GALNT17: variants seen among roughly 807,000 people sequenced by gnomAD.
GALNT17 encodes polypeptide N-acetylgalactosaminyltransferase 17.
Under a neutral mutation model 63.7 loss-of-function variants are expected in GALNT17, and 29 were observed. The observed-to-expected ratio is 0.46, with a 90% CI of 0.34 to 0.62. The LOEUF is 0.62. Ranked by LOEUF, GALNT17 falls within the 20% of genes least tolerant of loss-of-function variation. The probability of loss-of-function intolerance (pLI) is 0.01; values close to 1 mark genes in which losing one functional copy is unlikely to be tolerated. For missense variants in GALNT17, 603 were observed against 799.6 expected, an observed-to-expected ratio of 0.75 and a Z score of 2.97; for synonymous variants, 305 against 318.3, an observed-to-expected ratio of 0.96 and a Z score of 0.45.
chr7:71,350,869 A>C (rs1394574409), intron 2 of GALNT17, among the ~76,000 whole-genome samples: 1 of 152,212 alleles, frequency 6.6e-6, no homozygotes, highest in African/African-American at 2.4e-5. Context: ...GGCTGGGCGC[A>C]GTGAGTCATG....
At chr7:71,494,843 C>CA (rs1327045140) in intron 5 of GALNT17, among the ~76,000 whole-genome samples, 1 of 152,212 alleles carries the variant, frequency 6.6e-6, no homozygotes, top group African/African-American at 2.4e-5. Context: ...TACATGGCAG[C>CA]AGGCAGGAAA....
At chr7:71,709,578 G>T (rs1461975222) in intron 9 of GALNT17, among the ~76,000 whole-genome samples, 1 of 143,860 alleles carries the variant, frequency 7.0e-6, no homozygotes, top group African/African-American at 2.6e-5. Context: ...CAGTTTTTGG[G>T]TTTTTTTTTT....
intron 4 of GALNT17, among the ~76,000 whole-genome samples, chr7:71,419,841 C>T (rs1583936324): frequency 6.6e-6 from 1 of 152,186 alleles, no homozygotes; most frequent in African/African-American, 2.4e-5. Flanking sequence ...TTGGCTTCAG[C>T]TTATATGGTG....
intron 1 of GALNT17, among the ~76,000 whole-genome samples, chr7:71,221,181 G>A (rs2116420296): frequency 6.6e-6 from 1 of 152,288 alleles, no homozygotes; most frequent in South Asian, 2.1e-4. Context: ...TCAGCTGTCT[G>A]GGTGGAATTG....
At chr7:71,618,442 G>A (rs1314206723) in intron 6 of GALNT17, among the ~76,000 whole-genome samples, 2 of 152,158 alleles carry the variant, frequency 1.3e-5, no homozygotes, top group Non-Finnish European at 2.9e-5. Flanking sequence ...CAGTGTGTAA[G>A]CATTCCCTTT....
intron 5 of GALNT17, among the ~76,000 whole-genome samples, chr7:71,513,479 C>T (rs1051540746): frequency 1.3e-5 from 2 of 151,912 alleles, no homozygotes; most frequent in African/African-American, 4.8e-5. Context: ...TCCGCCTCCC[C>T]AGTTCAAGCG....
chr7:71,590,126 G>A (rs9638627), intron 6 of GALNT17, among the ~76,000 whole-genome samples: 87,560 of 152,008 alleles, frequency 0.58, 28,312 homozygotes, highest in East Asian at 0.78. Flanking sequence ...CATGAAATTG[G>A]ATTTCCTCAT....
intron 6 of GALNT17, among the ~76,000 whole-genome samples, chr7:71,579,583 T>C (rs1371478957): frequency 2.0e-5 from 3 of 152,118 alleles, no homozygotes; most frequent in South Asian, 4.1e-4. Flanking sequence ...GAGTTTAATA[T>C]AGATAAGCAA....
intron 9 of GALNT17, among the ~76,000 whole-genome samples, chr7:71,706,416 G>T (rs1404177279): frequency 2.0e-5 from 3 of 152,100 alleles, no homozygotes; most frequent in African/African-American, 7.2e-5. Context: ...TAAACATCTG[G>T]GTCACAGATA....
chr7:71,307,834 A>AT (rs566050010), intron 1 of GALNT17: 179 of 149,766 alleles, frequency 1.2e-3, no homozygotes, highest in African/African-American at 3.1e-3. Flanking sequence ...TGAGTGAAGC[A>AT]TTTTTTTTTT....
intron 6 of GALNT17, among the ~76,000 whole-genome samples, chr7:71,605,102 C>T (rs1014730690): frequency 4.0e-4 from 61 of 152,186 alleles, no homozygotes; most frequent in African/African-American, 1.1e-3. Flanking sequence ...ACATTGAGAA[C>T]ACTTAATTCA....
At position 71,188,640 on chromosome 7, in the gene GALNT17, C is replaced by T. The variant is rs1023391631; in HGVS notation, c.238+55600C>T. Among the ~76,000 whole-genome samples, 7 of 152,198 alleles carry T rather than the reference C, an allele frequency of 4.6e-5. No individual in the cohort carries two copies. The East Asian group carries it at 9.7e-4, about 21-fold the overall frequency. On this transcript the variant is annotated intron_variant, in intron 1 of 10. Coordinates refer to ENST00000333538, the MANE Select transcript of GALNT17 (RefSeq NM_022479.3). ...TAGATTCTGGATATTAATCCTTTGT[C>T]GGTTGTGTAGATTGTGAAGATTTTC...
chr7:71,296,368 C>G (rs1163639060), intron 1 of GALNT17, among the ~76,000 whole-genome samples: 1 of 152,094 alleles, frequency 6.6e-6, no homozygotes, highest in African/African-American at 2.4e-5. Flanking sequence ...AATCCCAGCA[C>G]TTTGGGAGGC....
At chr7:71,520,228 G>A (rs941942014) in intron 5 of GALNT17, among the ~76,000 whole-genome samples, 7 of 152,106 alleles carry the variant, frequency 4.6e-5, no homozygotes, top group Admixed American at 4.6e-4. Flanking sequence ...TAAATAAAAT[G>A]TGCTAGAATT....
intron 2 of GALNT17, among the ~76,000 whole-genome samples, chr7:71,373,141 T>G (rs1300732032): frequency 6.6e-6 from 1 of 152,212 alleles, no homozygotes; most frequent in Non-Finnish European, 1.5e-5. Flanking sequence ...CATCTTGTCT[T>G]GAGCTGGCTG....
At chr7:71,473,284 A>C (rs1787671673) in intron 5 of GALNT17, among the ~76,000 whole-genome samples, 1 of 152,162 alleles carries the variant, frequency 6.6e-6, no homozygotes, top group African/African-American at 2.4e-5. Flanking sequence ...GATGTTAAAT[A>C]TCTCTTTTCG....
intron 6 of GALNT17, among the ~76,000 whole-genome samples, chr7:71,648,182 A>G (rs963815382): frequency 6.6e-6 from 1 of 152,192 alleles, no homozygotes; most frequent in African/African-American, 2.4e-5. Flanking sequence ...GGTTTTTCTC[A>G]GCATTTACTA....
chr7:71,652,952 A>G lies in GALNT17; in HGVS notation c.1081-12459A>G, dbSNP rs199877567. Reference sequence around the variant, plus strand: ...CCCAGCAAGGAGAATCGGGCAGCTCATGCTTAAGACCTGAACTCCCTGATG... The same window carrying G: ...CCCAGCAAGGAGAATCGGGCAGCTCGTGCTTAAGACCTGAACTCCCTGATG... On this transcript the variant is annotated intron_variant, in intron 6 of 10. Coordinates refer to ENST00000333538, the MANE Select transcript of GALNT17 (RefSeq NM_022479.3). Among the ~76,000 whole-genome samples the G allele has an allele frequency of 1.1e-4, 17 of 152,286 alleles. No individual in the cohort carries two copies. The East Asian group carries it at 2.9e-3, about 26-fold the overall frequency.
intron 1 of GALNT17, among the ~76,000 whole-genome samples, chr7:71,147,600 A>G (rs778443411): frequency 6.6e-6 from 1 of 152,064 alleles, no homozygotes; most frequent in African/African-American, 2.4e-5. Flanking sequence ...CATTCATCCT[A>G]TTAAAATCTC....
Sources: gnomAD v4.1 joint callset for allele counts (sites outside exome capture counted in the v4.1 genomes callset) on GRCh38, gnomAD v4.1.1 for gene constraint, MANE v1.5 for transcripts, NCBI Gene and HGNC (gene_info 2026-07-23, HGNC 2026-07-21) for gene names.